Variants in MYO7A observed in about 807,000 individuals in gnomAD.
The protein encoded by MYO7A is myosin VIIA.
MYO7A carries 210 observed loss-of-function variants against 263.8 expected under a neutral mutation model. That is an observed-to-expected ratio of 0.80 (90% CI 0.71 to 0.89). The LOEUF (loss-of-function observed/expected upper bound fraction) is 0.89. Among genes scored for constraint, MYO7A ranks in the 40% least tolerant of loss-of-function variants. The pLI is 0.00. For missense variants in MYO7A, 2,820 were observed against 2,968.3 expected (o/e 0.95, Z 1.16); for synonymous variants, 1,239 against 1,197.3 (o/e 1.03, Z -0.72).
intron 4 of MYO7A, among the ~76,000 whole-genome samples, chr11:77,152,019 C>T (rs1009894317): frequency 3.3e-5 from 5 of 152,134 alleles, no homozygotes; most frequent in South Asian, 2.1e-4. Flanking sequence ...ATCTGCAAAG[C>T]GGGGATATGA....
chr11:77,130,763 C>T (rs1555045847), intron 2 of MYO7A, 111 bp downstream of exon 2: 2 of 1,265,552 alleles, frequency 1.6e-6, no homozygotes, highest in African/African-American at 3.0e-5. Context: ...AAAATTCCTG[C>T]CTAGGCTTCC....
At position 77,179,108 on chromosome 11, in the gene MYO7A, C is replaced by T; in HGVS notation, c.2346C>T (p.Asn782=). The T allele has an allele frequency of 1.2e-6, 2 of 1,604,770 alleles. No homozygotes were observed. The highest frequency in any genetic ancestry group is 1.7e-6 in the Non-Finnish European group (2 of 1,176,032). ...TCCAGAGGCACTGGCGGGGTCACAA[C>T]TGTAGGAAGAACTACGGGCTGGTGA... ...TLIQRHWRGH[N]CRKNYGLMRL... Residue 782 remains asparagine (N), a synonymous_variant, in exon 20 of 49, where the codon AAC becomes AAT. Transcript: ENST00000409709.
chr11:77,145,688 C>G (rs1333558411), intron 3 of MYO7A, among the ~76,000 whole-genome samples: 1 of 152,204 alleles, frequency 6.6e-6, no homozygotes, highest in Non-Finnish European at 1.5e-5. Flanking sequence ...GGTTCCCTAA[C>G]AGTACCCACC....
intron 2 of MYO7A, among the ~76,000 whole-genome samples, chr11:77,141,491 A>T (rs570523209): frequency 4.0e-5 from 6 of 151,264 alleles, no homozygotes; most frequent in Non-Finnish European, 8.8e-5. Context: ...TTCTTATTAG[A>T]ATGTCCCAAC....
intron 3 of MYO7A, among the ~76,000 whole-genome samples, chr11:77,146,202 AC>A (rs1285771685): frequency 2.0e-5 from 3 of 152,220 alleles, no homozygotes; most frequent in Admixed American, 6.5e-5. Flanking sequence ...GCCTTTGGGG[AC>A]ATGAAACCCG....
At position 77,211,941 on chromosome 11, in the gene MYO7A, C is replaced by G; in HGVS notation, c.6354+4C>G. 6.2e-7 allele frequency: 1 copy of G among 1,606,360 alleles called. No individual in the cohort carries two copies. Among genetic ancestry groups the G allele is most frequent in the Non-Finnish European group, 8.5e-7 (1 of 1,173,060 alleles). On this transcript the variant is annotated splice_donor_region_variant and intron_variant, in intron 46 of 48. Coordinates refer to ENST00000409709, the MANE Select transcript of MYO7A (RefSeq NM_000260.4). Reference sequence around the variant, plus strand: ...CTCAGCCTTCTTCGAGGTGAAGGTACACCATGGGCTTCTCAGAGCAGAGGA... The same window carrying G: ...CTCAGCCTTCTTCGAGGTGAAGGTAGACCATGGGCTTCTCAGAGCAGAGGA...
At chr11:77,209,069 G>GC in intron 44 of MYO7A, 1 of 452,922 alleles carries the variant, frequency 2.2e-6, no homozygotes, top group Non-Finnish European at 4.0e-6. Context: ...TCAGTGCGGG[G>GC]CTATCCTCTG....
At chr11:77,163,981 TG>T (rs200877186) in intron 14 of MYO7A, among the ~76,000 whole-genome samples, 18 of 151,500 alleles carry the variant, frequency 1.2e-4, no homozygotes, top group Admixed American at 3.3e-4. Context: ...CAGAACAAGG[TG>T]GGGGGGGCTT....
chr11:77,210,842 G>A (rs868425191), intron 44 of MYO7A: 2 of 275,628 alleles, frequency 7.3e-6, no homozygotes, highest in Non-Finnish European at 1.4e-5. Flanking sequence ...GTTGCCAGCT[G>A]GTCACTCTGA....
At chr11:77,160,876 C>A in intron 11 of MYO7A, 97 bp from the exon 12 acceptor site, 1 of 1,430,298 alleles carries the variant, frequency 7.0e-7, no homozygotes, top group Non-Finnish European at 9.6e-7. Context: ...CTTTGTTCCA[C>A]ACAAGGGCTG....
intron 15 of MYO7A, among the ~76,000 whole-genome samples, chr11:77,170,956 A>C (rs1555075549): frequency 6.6e-6 from 1 of 152,186 alleles, no homozygotes; most frequent in African/African-American, 2.4e-5. Context: ...AAGGTGGGCA[A>C]TTTCTGTGAA....
chr11:77,192,046 C>A lies in MYO7A; in HGVS notation c.3925-5C>A. ...TGCCTGCTCCCCTCCCCTCTGTGCCCACAGGTGTCCTCCCTGGGCAGCGGC... is the reference window on the plus strand; with the variant it reads ...TGCCTGCTCCCCTCCCCTCTGTGCCAACAGGTGTCCTCCCTGGGCAGCGGC... On this transcript the variant is annotated splice_region_variant and splice_polypyrimidine_tract_variant and intron_variant, in intron 30 of 48. Coordinates refer to ENST00000409709, the MANE Select transcript of MYO7A (RefSeq NM_000260.4). The A allele has an allele frequency of 6.2e-7, 1 of 1,611,570 alleles. No homozygotes were observed. The highest frequency in any genetic ancestry group is 8.5e-7 in the Non-Finnish European group (1 of 1,179,094).
intron 2 of MYO7A, among the ~76,000 whole-genome samples, chr11:77,133,391 T>C (rs554261171): frequency 3.9e-5 from 6 of 152,350 alleles, no homozygotes; most frequent in Admixed American, 3.9e-4. Context: ...CCCAGATTTG[T>C]GGGCAGAGGG....
intron 15 of MYO7A, among the ~76,000 whole-genome samples, chr11:77,172,417 G>A (rs1555076613): frequency 2.6e-5 from 4 of 152,162 alleles, no homozygotes; most frequent in African/African-American, 9.7e-5. Context: ...ATGAGACTCA[G>A]GGGCTGCCCC....
chr11:77,201,891 C>A (rs78162292), intron 36 of MYO7A, among the ~76,000 whole-genome samples: 1 of 152,012 alleles, frequency 6.6e-6, no homozygotes, highest in Non-Finnish European at 1.5e-5. Flanking sequence ...GTGTATCACC[C>A]GCACTGTCTG....
chr11:77,159,420 T>G, intron 9 of MYO7A, 27 bp from the exon 10 acceptor site: 2 of 318,618 alleles, frequency 6.3e-6, no homozygotes, highest in Non-Finnish European at 1.2e-5. Context: ...CTCCCTCCCC[T>G]GATGCTGTGC....
rs1329000248 is a variant in MYO7A at position 77,207,274 on chromosome 11, C to T, written c.5743-15C>T. The T allele has an allele frequency of 6.3e-7, 1 of 1,587,266 alleles. No homozygotes were observed. Among genetic ancestry groups the T allele is most frequent in the South Asian group, 1.1e-5 (1 of 87,984 alleles). ...AAAGGCCCTGCAGGAGCCCAGTGCT[C>T]ACTGCCCCTCCCAGGCCTTCGAAGT... On this transcript the variant is annotated splice_polypyrimidine_tract_variant and intron_variant, in intron 41 of 48. Coordinates refer to ENST00000409709, the MANE Select transcript of MYO7A (RefSeq NM_000260.4).
intron 2 of MYO7A, among the ~76,000 whole-genome samples, chr11:77,132,324 G>A (rs1555046271): frequency 6.6e-6 from 1 of 151,940 alleles, no homozygotes; most frequent in African/African-American, 2.4e-5. Context: ...CCCATTTCCC[G>A]TGGATCTTTC....
chr11:77,155,836 G>C (rs1322677990), intron 4 of MYO7A, 71 bp from the exon 5 acceptor site: 1 of 1,466,870 alleles, frequency 6.8e-7, no homozygotes, highest in African/African-American at 1.4e-5. Flanking sequence ...GCAGGGCAGA[G>C]CCCAAGAGCT....
Sources: allele counts gnomAD v4.1 joint callset (sites outside exome capture counted in the v4.1 genomes callset), GRCh38; gene constraint gnomAD v4.1.1; transcripts MANE v1.5; gene names NCBI Gene and HGNC (gene_info 2026-07-23, HGNC 2026-07-21).